Variants in RELN observed in about 807,000 individuals in gnomAD.
RELN encodes reelin.
RELN carries 108 observed loss-of-function variants against 427.6 expected under a neutral mutation model. That is an observed-to-expected ratio of 0.25 (90% CI 0.22 to 0.30). The LOEUF is 0.30. Ranked by LOEUF, RELN falls within the 10% of genes least tolerant of loss-of-function variation. The pLI, the probability that RELN is intolerant of heterozygous loss-of-function variation, is 1.00. For synonymous variants in RELN, 1,524 were observed against 1,513.4 expected, an observed-to-expected ratio of 1.01 and a Z score of -0.16; for missense variants, 3,715 against 4,302.8, an observed-to-expected ratio of 0.86 and a Z score of 3.82.
intron 3 of RELN, among the ~76,000 whole-genome samples, chr7:103,806,625 A>G (rs2116327067): frequency 6.6e-6 from 1 of 152,268 alleles, no homozygotes. Context: ...ATGCCCGGCC[A>G]TAAGCACTTC....
chr7:103,875,264 A>G (rs1390993654), intron 2 of RELN, among the ~76,000 whole-genome samples: 2 of 150,270 alleles, frequency 1.3e-5, no homozygotes, highest in Non-Finnish European at 3.0e-5. Flanking sequence ...CCTAGAAGAA[A>G]ACCTAGGCAT....
intron 61 of RELN, chr7:103,484,146 C>A: frequency 2.5e-6 from 1 of 404,236 alleles, no homozygotes; most frequent in Non-Finnish European, 4.6e-6. Context: ...TCCCAAAGTG[C>A]TGGGATTACA....
intron 1 of RELN, among the ~76,000 whole-genome samples, chr7:103,960,322 T>C (rs983762718): frequency 2.0e-5 from 3 of 152,204 alleles, no homozygotes; most frequent in Admixed American, 1.3e-4. Flanking sequence ...TGCTTCTGGC[T>C]GGAAAAACTC....
At chr7:103,545,924 C>T (rs1481884074) in intron 41 of RELN, among the ~76,000 whole-genome samples, 1 of 152,220 alleles carries the variant, frequency 6.6e-6, no homozygotes, top group African/African-American at 2.4e-5. Context: ...GCGTGAGCCA[C>T]CGCACCCGGC....
In RELN at chr7:103,708,464, C is replaced by CT. The variant is rs745955015; in HGVS notation, c.806-7459dup. ...CACCCAAACACCAGTGGGTATGACTCTTTTTTTTTTTTTTTTTGAGACGGA... is the reference window on the plus strand; with the variant it reads ...CACCCAAACACCAGTGGGTATGACTCTTTTTTTTTTTTTTTTTTGAGACGGA... On this transcript the variant is annotated intron_variant, in intron 8 of 64. Transcript: ENST00000428762. Among the ~76,000 whole-genome samples the CT allele has an allele frequency of 2.1e-3, 230 of 110,028 alleles. 8 individuals are homozygous for CT. The highest frequency in any genetic ancestry group is 6.1e-3 in the East Asian group (25 of 4,074). The allele number at this position is 110,028 out of a possible 152,430, so 72.2% of individuals were successfully genotyped here.
Position 103,558,012 on chromosome 7 carries a change from CA to C in RELN, c.5566del (p.Cys1856ValfsTer14). On this transcript the variant is annotated frameshift_variant, in exon 37 of 65. Transcript: ENST00000428762. LOFTEE classifies it high-confidence loss of function. Reference sequence around the variant, plus strand: ...AAACTGGACATACATTGTATTTGTACAATCTAGATCTCTTGAAATAAGCATC... The same window carrying C: ...AAACTGGACATACATTGTATTTGTACATCTAGATCTCTTGAAATAAGCATC... ...LRMLISRDLD[C>X]TNTMYVQFSL... The C allele has an allele frequency of 6.6e-7, 1 of 1,513,626 alleles. No individual in the cohort carries two copies. The highest frequency in any genetic ancestry group is 1.7e-5 in the Admixed American group (1 of 59,800). 93.8% of individuals were successfully genotyped at this position (1,513,626 alleles called of 1,614,324 possible).
At chr7:103,654,801 G>A (rs937963341) in intron 12 of RELN, among the ~76,000 whole-genome samples, 2 of 151,934 alleles carry the variant, frequency 1.3e-5, no homozygotes, top group African/African-American at 4.8e-5. Flanking sequence ...TATAGTCATG[G>A]AAAACAATAT....
intron 22 of RELN, 140 bp from the exon 23 acceptor site, chr7:103,604,623 C>A: frequency 1.2e-6 from 1 of 808,696 alleles, no homozygotes; most frequent in South Asian, 1.5e-5. Flanking sequence ...TCTTTAATTT[C>A]CACTCAATTA....
rs538176014 is a variant in RELN at position 103,601,729 on chromosome 7, A to G, written c.3333+1575T>C. On this transcript the variant is annotated intron_variant, in intron 24 of 64. Coordinates refer to ENST00000428762, the MANE Select transcript of RELN (RefSeq NM_005045.4). ...AGGAGACAGATTGGAAAAGAGAAAA[A>G]GAATGTCCTGCCTAGACTGCAGTGA... Among the ~76,000 whole-genome samples the G allele has an allele frequency of 2.0e-5, 3 of 152,306 alleles. 1 individual carries two copies. Among genetic ancestry groups the G allele is most frequent in the African/African-American group, 7.2e-5 (3 of 41,586 alleles).
At chr7:103,623,520 TA>T (rs1335423203) in intron 20 of RELN, among the ~76,000 whole-genome samples, 14 of 152,182 alleles carry the variant, frequency 9.2e-5, no homozygotes, top group Admixed American at 6.5e-4. Context: ...AGCTATCTAA[TA>T]TTGCATTTAG....
chr7:103,702,496 GAA>G (rs1834114876), intron 8 of RELN, among the ~76,000 whole-genome samples: 1 of 152,106 alleles, frequency 6.6e-6, no homozygotes, highest in East Asian at 1.9e-4. Flanking sequence ...TACAAATTAA[GAA>G]GAGAGAAGGA....
chr7:103,488,681 C>T (rs1183851040), intron 60 of RELN, among the ~76,000 whole-genome samples: 1 of 152,208 alleles, frequency 6.6e-6, no homozygotes, highest in Admixed American at 6.5e-5. Flanking sequence ...TTGGATAAAT[C>T]TCTCAGCCAT....
chr7:103,870,361 G>A (rs1794301149), intron 2 of RELN, among the ~76,000 whole-genome samples: 3 of 151,480 alleles, frequency 2.0e-5, no homozygotes, highest in Non-Finnish European at 4.4e-5. Context: ...TTTTTCTGAA[G>A]AGTTTTGATT....
At chr7:103,510,485 G>C (rs866213380) in intron 51 of RELN, among the ~76,000 whole-genome samples, 1 of 149,250 alleles carries the variant, frequency 6.7e-6, no homozygotes, top group African/African-American at 2.4e-5. Context: ...TGTGGGGCCT[G>C]TCGGGGAGTG....
intron 46 of RELN, among the ~76,000 whole-genome samples, chr7:103,533,776 C>T (rs1403177654): frequency 6.6e-6 from 1 of 152,170 alleles, no homozygotes; most frequent in Non-Finnish European, 1.5e-5. Flanking sequence ...GAGTAAAAGA[C>T]TCAAGGGCAT....
chr7:103,884,108 A>AGGC (rs1452152329), intron 2 of RELN, among the ~76,000 whole-genome samples: 1 of 152,210 alleles, frequency 6.6e-6, no homozygotes, highest in African/African-American at 2.4e-5. Context: ...AACTTAACAG[A>AGGC]GGCCTCAGAA....
At chr7:103,509,457 A>G (rs1417746796) in intron 51 of RELN, among the ~76,000 whole-genome samples, 2 of 152,224 alleles carry the variant, frequency 1.3e-5, no homozygotes, top group African/African-American at 4.8e-5. Flanking sequence ...CCATATGCAA[A>G]AAGCTGAATC....
At chr7:103,744,997 A>G (rs1790779068) in intron 6 of RELN, among the ~76,000 whole-genome samples, 2 of 152,216 alleles carry the variant, frequency 1.3e-5, no homozygotes, top group Admixed American at 1.3e-4. Flanking sequence ...CTTGATGAAC[A>G]TCGATGCAAA....
intron 3 of RELN, among the ~76,000 whole-genome samples, chr7:103,790,922 C>A (rs544935076): frequency 6.6e-6 from 1 of 152,162 alleles, no homozygotes; most frequent in South Asian, 2.1e-4. Flanking sequence ...GATCGCGCCA[C>A]TGCACTCCAG....
Sources: gnomAD v4.1 joint callset for allele counts (sites outside exome capture counted in the v4.1 genomes callset) on GRCh38, gnomAD v4.1.1 for gene constraint, MANE v1.5 for transcripts, NCBI Gene and HGNC (gene_info 2026-07-23, HGNC 2026-07-21) for gene names.